Variants in DLGAP2 observed in about 807,000 individuals in gnomAD.
DLGAP2 encodes the protein DLG associated protein 2.
Under a neutral mutation model 100.3 loss-of-function variants are expected in DLGAP2, and 26 were observed. The ratio of observed to expected loss-of-function variants is 0.26; its 90% CI spans 0.19 to 0.36. The LOEUF is 0.36. Among genes scored for constraint, DLGAP2 ranks in the 10% least tolerant of loss-of-function variants. The probability of loss-of-function intolerance (pLI) is 1.00; values close to 1 mark genes in which losing one functional copy is unlikely to be tolerated. For synonymous variants in DLGAP2, 886 were observed against 630.1 expected (o/e 1.41, Z -6.08); for missense variants, 1,858 against 1,453.2 (o/e 1.28, Z -4.53).
At chr8:758,660 C>T (rs1035833969) in intron 1 of DLGAP2, among the ~76,000 whole-genome samples, 1 of 152,102 alleles carries the variant, frequency 6.6e-6, no homozygotes. Context: ...CACCTGGGCT[C>T]AGGTGATTCT....
At position 1,361,620 on chromosome 8, in the gene DLGAP2, G is replaced by A. The variant is rs540938892; in HGVS notation, c.106+102737G>A. On this transcript the variant is annotated intron_variant, in intron 3 of 14. Coordinates refer to ENST00000637795, the MANE Select transcript of DLGAP2 (RefSeq NM_001346810.2). Reference sequence around the variant, plus strand: ...TGATACATTCTTAACTCACTGCATCGTTTAAACGGAGCATGGGAGCCCCCC... The same window carrying A: ...TGATACATTCTTAACTCACTGCATCATTTAAACGGAGCATGGGAGCCCCCC... 2.0e-5 allele frequency among the ~76,000 whole-genome samples: 3 copies of A among 152,304 alleles called. 1 individual carries two copies. The highest frequency in any genetic ancestry group is 1.9e-4 in the East Asian group (1 of 5,182).
chr8:1,647,051 C>T (rs968520246), intron 8 of DLGAP2, among the ~76,000 whole-genome samples: 6 of 152,128 alleles, frequency 3.9e-5, no homozygotes, highest in Non-Finnish European at 7.4e-5. Context: ...ACAGCGGTGC[C>T]GGGGCATGGA....
At chr8:950,912 C>T (rs530235168) in intron 2 of DLGAP2, among the ~76,000 whole-genome samples, 1 of 152,204 alleles carries the variant, frequency 6.6e-6, no homozygotes, top group South Asian at 2.1e-4. Context: ...ACGTGAGCCA[C>T]CGCGCTCGGC....
chr8:1,697,164 G>A lies in DLGAP2; in HGVS notation c.2814G>A (p.Pro938=), dbSNP rs370277479. 7.6e-5 allele frequency: 121 copies of A among 1,596,430 alleles called. No homozygotes were observed. Among genetic ancestry groups the A allele is most frequent in the Admixed American group, 1.9e-4 (11 of 58,326 alleles). Residue 938 remains proline, a synonymous_variant, in exon 14 of 15, where the codon CCG becomes CCA. Transcript: ENST00000637795. ...CQQNMDPSAM[P]RPTSQDLAGY... is the part of the protein sequence containing the mutation. ...GTCCCCAGGACCCCAGCGCCATGCCGAGGCCGACGTCGCAGGACCTGGCCG... is the reference window on the plus strand; with the variant it reads ...GTCCCCAGGACCCCAGCGCCATGCCAAGGCCGACGTCGCAGGACCTGGCCG...
chr8:756,643 A>T (rs1401596594), intron 1 of DLGAP2, among the ~76,000 whole-genome samples: 2 of 152,082 alleles, frequency 1.3e-5, no homozygotes, highest in East Asian at 3.9e-4. Context: ...AAGCTGAAAG[A>T]TCGTCTGGTC....
intron 6 of DLGAP2, among the ~76,000 whole-genome samples, chr8:1,588,808 G>T (rs1454082055): frequency 1.4e-5 from 2 of 147,220 alleles, no homozygotes; most frequent in African/African-American, 4.9e-5. Context: ...TGTAATCCCA[G>T]CTACTCAGAA....
At chr8:796,993 G>C (rs1796049126) in intron 1 of DLGAP2, among the ~76,000 whole-genome samples, 1 of 152,188 alleles carries the variant, frequency 6.6e-6, no homozygotes, top group Non-Finnish European at 1.5e-5. Flanking sequence ...TTTTAACCCT[G>C]TTTGCAGATA....
chr8:1,213,694 T>C (rs746936051), intron 2 of DLGAP2, among the ~76,000 whole-genome samples: 34 of 152,120 alleles, frequency 2.2e-4, no homozygotes, highest in Non-Finnish European at 4.7e-4. Flanking sequence ...TCACATCTTC[T>C]CTAATATCCA....
chr8:1,047,521 C>G (rs1341328442), intron 2 of DLGAP2, among the ~76,000 whole-genome samples: 1 of 152,186 alleles, frequency 6.6e-6, no homozygotes, highest in Non-Finnish European at 1.5e-5. Flanking sequence ...TGCACTCAGA[C>G]TGCTGCCACA....
intron 2 of DLGAP2, among the ~76,000 whole-genome samples, chr8:1,169,141 C>A (rs202020683): frequency 6.6e-6 from 1 of 151,222 alleles, no homozygotes; most frequent in Non-Finnish European, 1.5e-5. Flanking sequence ...AATAGGGAAT[C>A]CTTTCCCCAT....
chr8:1,270,842 A>G (rs1799568649), intron 3 of DLGAP2, among the ~76,000 whole-genome samples: 2 of 151,538 alleles, frequency 1.3e-5, no homozygotes, highest in African/African-American at 4.9e-5. Flanking sequence ...GTGTGTGTCT[A>G]CAGAGTGAAA....
rs956332379 is a variant in DLGAP2, at chr8:1,258,879, G to T, written c.102G>T (p.Pro34=). ...TESQCTLCGE[P]EEEEAGDLVQ... The stretch of plus-strand genomic sequence containing the variant: ...CGCAGTGCACGCTCTGCGGGGAGCC[G>T]GAAGGTGAGTACCTGACATGCTGCC... Residue 34 remains proline (P), a synonymous_variant, in exon 3 of 15, where the codon CCG becomes CCT. Coordinates refer to ENST00000637795, the MANE Select transcript of DLGAP2 (RefSeq NM_001346810.2). 1.1e-5 allele frequency: 13 copies of T among 1,231,690 alleles called. No homozygotes were observed. Among genetic ancestry groups the T allele is most frequent in the African/African-American group, 3.1e-5 (2 of 64,420 alleles). 76.3% of individuals were successfully genotyped at this position (1,231,690 alleles called of 1,614,324 possible).
At chr8:1,156,148 C>G (rs937167756) in intron 2 of DLGAP2, among the ~76,000 whole-genome samples, 1 of 152,184 alleles carries the variant, frequency 6.6e-6, no homozygotes, top group Non-Finnish European at 1.5e-5. Context: ...GGAGCCTCCC[C>G]TGGGCTTGGC....
At chr8:1,338,823 A>C (rs9644309) in intron 3 of DLGAP2, among the ~76,000 whole-genome samples, 25,367 of 61,084 alleles carry the variant, frequency 0.42, 7,821 homozygotes, top group African/African-American at 0.76. Context: ...GCAGTGACCT[A>C]AGGGAAGTGT....
At chr8:1,309,310 C>T (rs1321924070) in intron 3 of DLGAP2, among the ~76,000 whole-genome samples, 1 of 152,096 alleles carries the variant, frequency 6.6e-6, no homozygotes, top group Non-Finnish European at 1.5e-5. Flanking sequence ...ATGTTATAAT[C>T]AAACCAGTGA....
At chr8:1,071,150 C>T (rs559125461) in intron 2 of DLGAP2, among the ~76,000 whole-genome samples, 51 of 152,266 alleles carry the variant, frequency 3.3e-4, no homozygotes, top group Admixed American at 1.7e-3. Context: ...GCCCAGCTGC[C>T]GAGCGGAAGC....
chr8:1,258,611 T>C (rs1316101943), intron 2 of DLGAP2, among the ~76,000 whole-genome samples: 7 of 152,052 alleles, frequency 4.6e-5, no homozygotes, highest in Non-Finnish European at 1.0e-4. Context: ...AAAAATTTTT[T>C]TTAATTCTCA....
At chr8:1,325,452 G>C (rs915076565) in intron 3 of DLGAP2, among the ~76,000 whole-genome samples, 6 of 152,228 alleles carry the variant, frequency 3.9e-5, no homozygotes, top group Non-Finnish European at 1.5e-5. Flanking sequence ...TTTTTGAAGT[G>C]AGCTTTCACT....
intron 2 of DLGAP2, among the ~76,000 whole-genome samples, chr8:1,204,448 G>T (rs146014119): frequency 2.1e-4 from 32 of 152,380 alleles, no homozygotes; most frequent in African/African-American, 7.5e-4. Flanking sequence ...GGCTGACCGT[G>T]TAATGACCGT....
Sources: gnomAD v4.1 joint callset for allele counts (sites outside exome capture counted in the v4.1 genomes callset) on GRCh38, gnomAD v4.1.1 for gene constraint, MANE v1.5 for transcripts, NCBI Gene and HGNC (gene_info 2026-07-23, HGNC 2026-07-21) for gene names.